INTS9: variants seen among roughly 807,000 people sequenced by gnomAD.
INTS9 encodes the protein protein related to CPSF subunits of 74 kDa.
A neutral mutation model predicts 79.7 loss-of-function variants in INTS9; 55 were observed. The ratio of observed to expected loss-of-function variants is 0.69; its 90% CI spans 0.56 to 0.86. The LOEUF (loss-of-function observed/expected upper bound fraction) is 0.86, where lower values mean the gene tolerates loss of function less well. INTS9 is among the 40% of genes least tolerant of loss of function. The pLI is 0.00. For synonymous variants in INTS9, 319 were observed against 325.2 expected, an observed-to-expected ratio of 0.98 and a Z score of 0.20; for missense variants, 721 against 831.5, an observed-to-expected ratio of 0.87 and a Z score of 1.64.
At chr8:28,874,263 CAT>C (rs1239899600) in intron 1 of INTS9, among the ~76,000 whole-genome samples, 1 of 151,832 alleles carries the variant, frequency 6.6e-6, no homozygotes, top group Non-Finnish European at 1.5e-5. Context: ...AAAGGCTCTA[CAT>C]GTTTAAAAAT....
intron 14 of INTS9, among the ~76,000 whole-genome samples, chr8:28,775,483 G>C (rs775505177): frequency 6.6e-6 from 1 of 152,108 alleles, no homozygotes; most frequent in African/African-American, 2.4e-5. Context: ...TTACAGATGC[G>C]TGCCACCACA....
chr8:28,837,420 A>T (rs1170299875), intron 5 of INTS9, among the ~76,000 whole-genome samples: 1 of 152,180 alleles, frequency 6.6e-6, no homozygotes, highest in South Asian at 2.1e-4. Flanking sequence ...CAATTAATTT[A>T]TAAGAAAAAA....
chr8:28,816,300 C>A (rs1805474825), intron 6 of INTS9, among the ~76,000 whole-genome samples: 2 of 110,786 alleles, frequency 1.8e-5, no homozygotes, highest in South Asian at 7.6e-4. Flanking sequence ...CTGTCCCTCC[C>A]CCCTCCCCCC....
In INTS9 at chr8:28,775,783, G is replaced by A. The variant is rs78086231; in HGVS notation, c.1539C>T (p.Tyr513=). The A allele has an allele frequency of 2.9e-3, 4,716 of 1,613,984 alleles. 13 individuals carry two copies. Among genetic ancestry groups the A allele is most frequent in the Non-Finnish European group, 3.6e-3 (4,219 of 1,179,976 alleles). The change falls in exon 14 of 17, where the codon TAC becomes TAT. Residue 513 remains tyrosine, a synonymous_variant. Transcript: ENST00000521022. ...EVLALPFKRR[Y]EKIEIMPELA... ...CCTCTGGCATGATCTCGATCTTCTC[G>A]TACCGACGTTTGAAGGGCAGGGCGA...
chr8:28,782,826 A>G (rs976839875), intron 11 of INTS9, among the ~76,000 whole-genome samples: 1 of 152,126 alleles, frequency 6.6e-6, no homozygotes, highest in African/African-American at 2.4e-5. Context: ...TATGATTGCA[A>G]CGCTGTATTC....
At chr8:28,838,123 G>A (rs1806921734) in intron 4 of INTS9, among the ~76,000 whole-genome samples, 2 of 152,020 alleles carry the variant, frequency 1.3e-5, no homozygotes, top group Non-Finnish European at 2.9e-5. Flanking sequence ...AGAGAGAGCA[G>A]CATACAGGCG....
intron 4 of INTS9, among the ~76,000 whole-genome samples, chr8:28,844,635 G>A (rs1326450361): frequency 1.3e-5 from 2 of 152,124 alleles, no homozygotes; most frequent in Non-Finnish European, 2.9e-5. Flanking sequence ...AGACCAGCCT[G>A]GCCAACATGG....
chr8:28,868,524 T>C (rs916199212), intron 1 of INTS9, among the ~76,000 whole-genome samples: 1 of 152,222 alleles, frequency 6.6e-6, no homozygotes, highest in Non-Finnish European at 1.5e-5. Context: ...CCGTTTTCTA[T>C]TTAACCAACC....
intron 12 of INTS9, among the ~76,000 whole-genome samples, chr8:28,779,515 G>A (rs1803113681): frequency 6.6e-6 from 1 of 152,124 alleles, no homozygotes; most frequent in African/African-American, 2.4e-5. Flanking sequence ...GAACTTTCCT[G>A]ACCACAGCAT....
At chr8:28,801,035 C>T (rs1804487328) in intron 8 of INTS9, among the ~76,000 whole-genome samples, 1 of 152,184 alleles carries the variant, frequency 6.6e-6, no homozygotes, top group Admixed American at 6.5e-5. Context: ...GCCTACCTGC[C>T]ACCCTAGCCC....
At chr8:28,784,627 A>C (rs1191132797) in intron 11 of INTS9, among the ~76,000 whole-genome samples, 2 of 152,266 alleles carry the variant, frequency 1.3e-5, no homozygotes, top group East Asian at 1.9e-4. Flanking sequence ...ATAAAACAAA[A>C]CAACTAAATC....
chr8:28,825,768 G>A (rs1806109704), intron 6 of INTS9, among the ~76,000 whole-genome samples: 1 of 152,258 alleles, frequency 6.6e-6, no homozygotes, highest in Non-Finnish European at 1.5e-5. Context: ...TGGAAAGCAT[G>A]AAGATGCAAA....
chr8:28,777,345 TG>T (rs1437747114), intron 13 of INTS9, among the ~76,000 whole-genome samples: 1 of 148,082 alleles, frequency 6.8e-6, no homozygotes, highest in Non-Finnish European at 1.5e-5. Flanking sequence ...GCGCGCCTCC[TG>T]GTCTACACTG....
chr8:28,781,091 C>A (rs1429342851), intron 11 of INTS9, 97 bp from the exon 12 acceptor site: 9 of 926,994 alleles, frequency 9.7e-6, no homozygotes, highest in Non-Finnish European at 1.5e-5. Context: ...ATCTAAAATA[C>A]CAACAAAGAA....
At chr8:28,869,894 C>T (rs887277594) in intron 1 of INTS9, among the ~76,000 whole-genome samples, 2 of 152,012 alleles carry the variant, frequency 1.3e-5, no homozygotes, top group Non-Finnish European at 2.9e-5. Context: ...GGGCTGCTCC[C>T]TCACACTCAT....
At chr8:28,831,900 T>C (rs934523827) in intron 6 of INTS9, among the ~76,000 whole-genome samples, 2 of 152,092 alleles carry the variant, frequency 1.3e-5, no homozygotes, top group African/African-American at 4.8e-5. Context: ...ATGGGGGGTT[T>C]CACCATATTG....
intron 14 of INTS9, among the ~76,000 whole-genome samples, chr8:28,772,951 C>G (rs1278842369): frequency 6.6e-6 from 1 of 152,214 alleles, no homozygotes; most frequent in Non-Finnish European, 1.5e-5. Context: ...AGAGCTGTCT[C>G]CAGCTCTGCT....
intron 11 of INTS9, among the ~76,000 whole-genome samples, chr8:28,781,919 A>C (rs1418000569): frequency 6.6e-6 from 1 of 151,938 alleles, no homozygotes; most frequent in Non-Finnish European, 1.5e-5. Flanking sequence ...CCTACTGTAA[A>C]CTCTGGGCTT....
chr8:28,791,890 G>A (rs941829082), intron 10 of INTS9, among the ~76,000 whole-genome samples: 2 of 152,108 alleles, frequency 1.3e-5, no homozygotes, highest in African/African-American at 4.8e-5. Flanking sequence ...GTCTCAGCAT[G>A]GGAAAACTAC....
Sources: allele counts gnomAD v4.1 joint callset (sites outside exome capture counted in the v4.1 genomes callset), GRCh38; gene constraint gnomAD v4.1.1; transcripts MANE v1.5; gene names NCBI Gene and HGNC (gene_info 2026-07-23, HGNC 2026-07-21).